CSMD1: variants seen among roughly 807,000 people sequenced by gnomAD.
The protein encoded by CSMD1 is CUB and Sushi multiple domains 1.
In CSMD1, 213 loss-of-function variants were observed where a neutral mutation model predicts 417.5. The ratio of observed to expected loss-of-function variants is 0.51; its 90% CI spans 0.46 to 0.57. The LOEUF is 0.57. CSMD1 is among the 20% of genes least tolerant of loss of function. The pLI is 0.00. For missense variants in CSMD1, 6,923 were observed against 4,529.7 expected (o/e 1.53, Z -15.17); for synonymous variants, 2,862 against 1,736.8 (o/e 1.65, Z -16.11).
intron 3 of CSMD1, among the ~76,000 whole-genome samples, chr8:4,213,945 T>C (rs991713898): frequency 5.3e-5 from 8 of 152,310 alleles, no homozygotes; most frequent in East Asian, 1.9e-4. Context: ...CATACGACTA[T>C]GTAACCACAG....
At chr8:4,159,116 A>G (rs1395046876) in intron 3 of CSMD1, among the ~76,000 whole-genome samples, 3 of 152,006 alleles carry the variant, frequency 2.0e-5, no homozygotes, top group African/African-American at 7.3e-5. Context: ...AGGCTTCTCC[A>G]TAGTTGGCAG....
chr8:3,108,572 G>T (rs965460611), intron 44 of CSMD1, 31 bp downstream of exon 44: 3 of 1,610,452 alleles, frequency 1.9e-6, no homozygotes, highest in Admixed American at 1.7e-5. Flanking sequence ...GGAATTCTCA[G>T]TCTTAACTAA....
At chr8:3,503,426 T>A (rs530459994) in intron 10 of CSMD1, among the ~76,000 whole-genome samples, 4 of 152,364 alleles carry the variant, frequency 2.6e-5, no homozygotes, top group African/African-American at 9.6e-5. Flanking sequence ...AAATAAAGTT[T>A]GCACAGGCAG....
chr8:4,587,454 TATATGTATATGTAGATAC>T (rs1162169290), intron 2 of CSMD1, among the ~76,000 whole-genome samples: 2 of 141,710 alleles, frequency 1.4e-5, no homozygotes, highest in Non-Finnish European at 3.1e-5. Context: ...TATGTACATA[TATATGTATATGTAGATAC>T]ATATGTATAT....
chr8:4,269,004 T>G lies in CSMD1; in HGVS notation c.415+150949A>C, dbSNP rs1804400203. Reference sequence around the variant, plus strand: ...TGAAACATTTTCTTAATTTCCTGATTGCAAAGTAAAATACACAATGAGGTG... The same window carrying G: ...TGAAACATTTTCTTAATTTCCTGATGGCAAAGTAAAATACACAATGAGGTG... On this transcript the variant is annotated intron_variant, in intron 3 of 69. Transcript: ENST00000635120. 2.0e-5 allele frequency among the ~76,000 whole-genome samples: 3 copies of G among 152,222 alleles called. No individual in the cohort carries two copies. The South Asian group carries it at 6.2e-4, about 31-fold the overall frequency.
chr8:4,021,594 GA>G (rs1325751172), intron 4 of CSMD1, among the ~76,000 whole-genome samples: 2 of 152,130 alleles, frequency 1.3e-5, no homozygotes, highest in East Asian at 1.9e-4. Flanking sequence ...GTCTTATCCT[GA>G]TGCCCTCAAA....
At chr8:4,050,213 G>A (rs1472848292) in intron 3 of CSMD1, among the ~76,000 whole-genome samples, 1 of 151,996 alleles carries the variant, frequency 6.6e-6, no homozygotes, top group Admixed American at 6.6e-5. Context: ...GGCTAGGGTC[G>A]TGTTTGTCAG....
intron 6 of CSMD1, among the ~76,000 whole-genome samples, chr8:3,746,241 A>C (rs1365988301): frequency 6.6e-6 from 1 of 152,264 alleles, no homozygotes; most frequent in Non-Finnish European, 1.5e-5. Context: ...TCCACATCAC[A>C]AAACTATAAA....
chr8:3,719,714 C>A (rs1802040607), intron 6 of CSMD1, among the ~76,000 whole-genome samples: 1 of 152,130 alleles, frequency 6.6e-6, no homozygotes. Flanking sequence ...GCCCCCATAC[C>A]AGCCACATAT....
intron 3 of CSMD1, among the ~76,000 whole-genome samples, chr8:4,384,980 G>A (rs557128766): frequency 2.4e-4 from 36 of 152,136 alleles, no homozygotes; most frequent in Non-Finnish European, 3.4e-4. Flanking sequence ...GAGTGCAATG[G>A]CGCAATCTCG....
At chr8:3,702,551 C>A (rs976541464) in intron 7 of CSMD1, among the ~76,000 whole-genome samples, 3 of 152,180 alleles carry the variant, frequency 2.0e-5, no homozygotes, top group Admixed American at 2.0e-4. Flanking sequence ...AGAGTGCTGG[C>A]CAGGTGCGGT....
At chr8:4,532,123 C>G (rs189226840) in intron 2 of CSMD1, among the ~76,000 whole-genome samples, 81 of 138,996 alleles carry the variant, frequency 5.8e-4, no homozygotes, top group Non-Finnish European at 9.3e-4. Flanking sequence ...CACAGTCACT[C>G]CGGAAGAGAA....
In CSMD1 at chr8:3,398,952, T is replaced by A. The variant is rs9969441; in HGVS notation, c.2405+439A>T. Among the ~76,000 whole-genome samples the A allele has an allele frequency of 8.3e-3, 1,260 of 152,054 alleles. 5 individuals are homozygous for A. Among genetic ancestry groups the A allele is most frequent in the Non-Finnish European group, 0.015 (1,009 of 67,982 alleles). ...TGATTGATCTGCTGTCCGCACCCCA[T>A]TGCCCGCTCAGCATCACTAGCTGCC... On this transcript the variant is annotated intron_variant, in intron 16 of 69. Transcript: ENST00000635120.
At chr8:4,846,614 C>G (rs1242441670) in intron 1 of CSMD1, among the ~76,000 whole-genome samples, 1 of 152,174 alleles carries the variant, frequency 6.6e-6, no homozygotes, top group Non-Finnish European at 1.5e-5. Flanking sequence ...GGTGACTACT[C>G]CAGCAATTCC....
chr8:3,274,639 T>C (rs979982036), intron 26 of CSMD1, among the ~76,000 whole-genome samples: 10 of 152,166 alleles, frequency 6.6e-5, no homozygotes, highest in African/African-American at 2.4e-4. Context: ...ATATTTAGGA[T>C]AGTTAGCCCT....
At chr8:4,828,645 C>A (rs182972376) in intron 1 of CSMD1, among the ~76,000 whole-genome samples, 1 of 152,118 alleles carries the variant, frequency 6.6e-6, no homozygotes, top group Non-Finnish European at 1.5e-5. Context: ...GAACGTTACT[C>A]GGCATGGGGT....
intron 15 of CSMD1, among the ~76,000 whole-genome samples, chr8:3,404,018 A>G (rs541962548): frequency 6.6e-6 from 1 of 152,278 alleles, no homozygotes; most frequent in South Asian, 2.1e-4. Flanking sequence ...TGTTTTAACA[A>G]TGTATGAAAA....
At chr8:3,084,202 T>C (rs1814350510) in intron 49 of CSMD1, among the ~76,000 whole-genome samples, 1 of 152,064 alleles carries the variant, frequency 6.6e-6, no homozygotes, top group Non-Finnish European at 1.5e-5. Context: ...TTCTACAACT[T>C]AGGGAAGTAT....
intron 1 of CSMD1, among the ~76,000 whole-genome samples, chr8:4,873,884 T>A (rs1279161389): frequency 2.0e-5 from 3 of 152,120 alleles, no homozygotes; most frequent in Non-Finnish European, 4.4e-5. Flanking sequence ...CACTACGGCT[T>A]TTAGACAAGG....
Sources: allele counts gnomAD v4.1 joint callset (sites outside exome capture counted in the v4.1 genomes callset), GRCh38; gene constraint gnomAD v4.1.1; transcripts MANE v1.5; gene names NCBI Gene and HGNC (gene_info 2026-07-23, HGNC 2026-07-21).